Variants in ITGA9 observed in about 807,000 individuals in gnomAD.
The protein encoded by ITGA9 is integrin alpha-9.
In ITGA9, 56 loss-of-function variants were observed where a neutral mutation model predicts 127.8. That is an observed-to-expected ratio of 0.44 (90% confidence interval 0.35 to 0.55). The LOEUF (loss-of-function observed/expected upper bound fraction) is 0.55, where lower values mean the gene tolerates loss of function less well. Among genes scored for constraint, ITGA9 ranks in the 20% least tolerant of loss-of-function variants. The pLI is 0.00. For synonymous variants in ITGA9, 508 were observed against 514.5 expected, an observed-to-expected ratio of 0.99 and a Z score of 0.17; for missense variants, 1,196 against 1,347.1, an observed-to-expected ratio of 0.89 and a Z score of 1.76.
At chr3:37,589,898 G>C (rs1699798257) in intron 15 of ITGA9, among the ~76,000 whole-genome samples, 1 of 152,130 alleles carries the variant, frequency 6.6e-6, no homozygotes, top group African/African-American at 2.4e-5. Context: ...ATGACCTTCT[G>C]CATCTCCTCC....
chr3:37,574,637 T>C (rs956588819), intron 15 of ITGA9, among the ~76,000 whole-genome samples: 4 of 152,236 alleles, frequency 2.6e-5, no homozygotes, highest in Non-Finnish European at 4.4e-5. Flanking sequence ...AGCCCCACAG[T>C]TGATTTCTTA....
chr3:37,564,699 C>T (rs1699528208), intron 15 of ITGA9, among the ~76,000 whole-genome samples: 1 of 152,208 alleles, frequency 6.6e-6, no homozygotes, highest in Non-Finnish European at 1.5e-5. Flanking sequence ...TTTAATTCAA[C>T]AGGCACCTGT....
chr3:37,657,167 C>G (rs1700486894), intron 17 of ITGA9, among the ~76,000 whole-genome samples: 1 of 152,070 alleles, frequency 6.6e-6, no homozygotes. Flanking sequence ...TTCGTTGTGT[C>G]TCTGCCAGGT....
chr3:37,621,081 G>A (rs1465217330), intron 15 of ITGA9, among the ~76,000 whole-genome samples: 1 of 151,622 alleles, frequency 6.6e-6, no homozygotes, highest in Non-Finnish European at 1.5e-5. Context: ...TGAATCATGG[G>A]GGTGATTTTC....
At chr3:37,624,947 C>T (rs1366993373) in intron 15 of ITGA9, among the ~76,000 whole-genome samples, 1 of 152,152 alleles carries the variant, frequency 6.6e-6, no homozygotes, top group East Asian at 1.9e-4. Context: ...ATCATGCTAC[C>T]CCCTTCCCAG....
At chr3:37,671,846 G>A (rs1455440308) in intron 17 of ITGA9, among the ~76,000 whole-genome samples, 1 of 152,154 alleles carries the variant, frequency 6.6e-6, no homozygotes, top group Non-Finnish European at 1.5e-5. Context: ...ACATGGCATA[G>A]TAACTCACTC....
chr3:37,655,940 T>G (rs1226698107), intron 17 of ITGA9, among the ~76,000 whole-genome samples: 2 of 152,250 alleles, frequency 1.3e-5, no homozygotes, highest in Non-Finnish European at 2.9e-5. Context: ...ACACCATTTA[T>G]TAAGTAGGGA....
At chr3:37,527,117 C>T (rs986406875) in intron 13 of ITGA9, among the ~76,000 whole-genome samples, 2 of 152,224 alleles carry the variant, frequency 1.3e-5, no homozygotes, top group African/African-American at 4.8e-5. Context: ...CAGGATTCTC[C>T]TCTGTTGGCC....
intron 27 of ITGA9, among the ~76,000 whole-genome samples, chr3:37,815,819 G>A (rs1220185172): frequency 1.3e-5 from 2 of 152,150 alleles, no homozygotes; most frequent in African/African-American, 4.8e-5. Flanking sequence ...CAGTTCTGTG[G>A]GTTGGCTATT....
chr3:37,644,419 G>T (rs963414168), intron 16 of ITGA9, among the ~76,000 whole-genome samples: 4 of 152,184 alleles, frequency 2.6e-5, no homozygotes, highest in Admixed American at 2.6e-4. Context: ...GTGGGATGAT[G>T]GACAATGGAG....
intron 16 of ITGA9, among the ~76,000 whole-genome samples, chr3:37,651,554 C>A (rs1261887265): frequency 6.6e-6 from 1 of 152,192 alleles, no homozygotes; most frequent in Non-Finnish European, 1.5e-5. Context: ...AGTACAGTGC[C>A]CCCTGCAATC....
At chr3:37,556,549 T>C (rs1699432888) in intron 15 of ITGA9, among the ~76,000 whole-genome samples, 1 of 152,204 alleles carries the variant, frequency 6.6e-6, no homozygotes, top group Non-Finnish European at 1.5e-5. Context: ...CTTCACGGGC[T>C]GGTTGACAAG....
rs373534184 is a variant in ITGA9 at position 37,473,423 on chromosome 3, G to C, written c.383G>C (p.Ser128Thr). ...EDRDDEWMGV[S>T]LARQPKADGR... is the part of the protein sequence containing the mutation. ...CGCGATGATGAGTGGATGGGGGTGA[G>C]CCTGGCCCGACAGCCCAAGGCTGAT... Residue 128 changes from serine (S) to threonine (T), a missense_variant, in exon 3 of 28, where the codon AGC becomes ACC. Transcript: ENST00000264741. The C allele has an allele frequency of 1.2e-6, 2 of 1,613,990 alleles. No individual in the cohort carries two copies. Among genetic ancestry groups the C allele is most frequent in the Non-Finnish European group, 1.7e-6 (2 of 1,180,012 alleles).
At chr3:37,703,140 T>A (rs1399175771) in intron 18 of ITGA9, among the ~76,000 whole-genome samples, 1 of 152,236 alleles carries the variant, frequency 6.6e-6, no homozygotes, top group Non-Finnish European at 1.5e-5. Flanking sequence ...CCTTTTTTAA[T>A]CAGTAACTTT....
At chr3:37,612,113 A>T (rs1261794784) in intron 15 of ITGA9, among the ~76,000 whole-genome samples, 1 of 152,156 alleles carries the variant, frequency 6.6e-6, no homozygotes, top group Non-Finnish European at 1.5e-5. Flanking sequence ...CTGAAACAAC[A>T]TAATGTTTCT....
intron 15 of ITGA9, among the ~76,000 whole-genome samples, chr3:37,600,403 C>T (rs1699905996): frequency 6.6e-6 from 1 of 152,190 alleles, no homozygotes; most frequent in African/African-American, 2.4e-5. Context: ...TCCTATTCCT[C>T]TGTGGCCTAT....
chr3:37,520,352 T>G (rs1447133025), intron 11 of ITGA9, among the ~76,000 whole-genome samples: 1 of 152,184 alleles, frequency 6.6e-6, no homozygotes, highest in African/African-American at 2.4e-5. Flanking sequence ...TCTTTACCTT[T>G]AATCCTCGCA....
At chr3:37,800,610 A>T (rs1339235008) in intron 26 of ITGA9, among the ~76,000 whole-genome samples, 1 of 152,182 alleles carries the variant, frequency 6.6e-6, no homozygotes, top group Non-Finnish European at 1.5e-5. Context: ...TTTGAACTAG[A>T]TAGAAAATAG....
At chr3:37,744,232 C>CT (rs1313429402) in intron 22 of ITGA9, among the ~76,000 whole-genome samples, 198 bp downstream of exon 22, 2 of 152,150 alleles carry the variant, frequency 1.3e-5, no homozygotes, top group African/African-American at 4.8e-5. Context: ...GGCCCCTCTG[C>CT]TTTTTCAGGA....
Sources: gnomAD v4.1 joint callset for allele counts (sites outside exome capture counted in the v4.1 genomes callset) on GRCh38, gnomAD v4.1.1 for gene constraint, MANE v1.5 for transcripts, NCBI Gene and HGNC (gene_info 2026-07-23, HGNC 2026-07-21) for gene names.